Variants in RAP1GAP2 observed in about 807,000 individuals in gnomAD.
RAP1GAP2 encodes rap1 GTPase-activating protein 2.
A neutral mutation model predicts 95.0 loss-of-function variants in RAP1GAP2; 27 were observed. The ratio of observed to expected loss-of-function variants is 0.28; its 90% CI spans 0.21 to 0.39. The LOEUF (loss-of-function observed/expected upper bound fraction) is 0.39. Ranked by LOEUF, RAP1GAP2 falls within the 10% of genes least tolerant of loss-of-function variation. The pLI is 1.00. For missense variants in RAP1GAP2, 771 were observed against 970.0 expected (o/e 0.79, Z 2.72); for synonymous variants, 373 against 380.9 (o/e 0.98, Z 0.24).
chr17:2,815,456 A>ATATTATTATTAT (rs10675930), intron 2 of RAP1GAP2, among the ~76,000 whole-genome samples: 471 of 140,136 alleles, frequency 3.4e-3, no homozygotes, highest in Non-Finnish European at 3.7e-3. Flanking sequence ...AACATCTCTG[A>ATATTATTATTAT]TATTATTATT....
chr17:2,987,457 G>A (rs755087754), intron 11 of RAP1GAP2, among the ~76,000 whole-genome samples: 2 of 151,480 alleles, frequency 1.3e-5, no homozygotes, highest in African/African-American at 4.9e-5. Context: ...TCCGCCTCCC[G>A]GGTTCAAGCA....
intron 8 of RAP1GAP2, among the ~76,000 whole-genome samples, chr17:2,970,855 C>T (rs1382033786): frequency 6.6e-6 from 1 of 151,390 alleles, no homozygotes; most frequent in Non-Finnish European, 1.5e-5. Flanking sequence ...GCCTGGGCAA[C>T]ACAGGGTGAC....
chr17:3,020,581 C>T lies in RAP1GAP2; in HGVS notation c.1737C>T (p.Asp579=), dbSNP rs772392945. ...RLHTGSEGQG[D]SRARCDSTSS... Reference sequence around the variant, plus strand: ...ACACGGGCTCAGAAGGCCAGGGCGACAGCCGGGCACGATGGTAACTGTTGG... The same window carrying T: ...ACACGGGCTCAGAAGGCCAGGGCGATAGCCGGGCACGATGGTAACTGTTGG... Residue 579 remains aspartate (D), a synonymous_variant, in exon 19 of 25, where the codon GAC becomes GAT. Coordinates refer to ENST00000254695, the MANE Select transcript of RAP1GAP2 (RefSeq NM_015085.5). The T allele has an allele frequency of 1.2e-6, 2 of 1,613,514 alleles. No individual in the cohort carries two copies. The highest frequency in any genetic ancestry group is 1.7e-6 in the Non-Finnish European group (2 of 1,179,774).
chr17:3,021,464 A>T (rs2046958193), intron 19 of RAP1GAP2, among the ~76,000 whole-genome samples: 1 of 122,196 alleles, frequency 8.2e-6, no homozygotes, highest in East Asian at 2.6e-4. Context: ...TTTGAGACAG[A>T]GTCTCTGTTG....
chr17:3,010,206 G>T (rs528458355), intron 17 of RAP1GAP2, among the ~76,000 whole-genome samples: 2 of 152,050 alleles, frequency 1.3e-5, no homozygotes, highest in East Asian at 3.9e-4. Flanking sequence ...CGGGCGTGGT[G>T]ACGTGAGCCT....
intron 2 of RAP1GAP2, among the ~76,000 whole-genome samples, chr17:2,878,917 C>T (rs1162523747): frequency 6.6e-6 from 1 of 152,186 alleles, no homozygotes; most frequent in East Asian, 1.9e-4. Flanking sequence ...AATAATAGTG[C>T]CCTCTTCCCG....
chr17:3,004,653 TGC>T lies in RAP1GAP2; in HGVS notation c.1201-711_1201-710del, dbSNP rs1176131218. ...TCAGTCTCACTCAGGGTGCCAGAGG[TGC>T]GCGCCCCACCCTCAGTTCCTAGCCT... On this transcript the variant is annotated intron_variant, in intron 14 of 24. Coordinates refer to ENST00000254695, the MANE Select transcript of RAP1GAP2 (RefSeq NM_015085.5). The surrounding 1 kb of genome is among the most constrained non-coding windows in gnomAD (Gnocchi z 4.1). Among the ~76,000 whole-genome samples the T allele has an allele frequency of 2.0e-5, 3 of 152,130 alleles. No homozygotes were observed. The highest frequency in any genetic ancestry group is 7.2e-5 in the African/African-American group (3 of 41,434).
intron 2 of RAP1GAP2, among the ~76,000 whole-genome samples, chr17:2,847,444 C>T (rs965031532): frequency 6.6e-6 from 1 of 152,176 alleles, no homozygotes; most frequent in Non-Finnish European, 1.5e-5. Context: ...GCCTGGAAAT[C>T]TCACATAGTT....
intron 2 of RAP1GAP2, among the ~76,000 whole-genome samples, chr17:2,803,947 G>A (rs2069406364): frequency 6.6e-6 from 1 of 152,164 alleles, no homozygotes. Flanking sequence ...AGACAGTGTG[G>A]TACGGACATA....
At chr17:2,983,982 G>A (rs528389917) in intron 10 of RAP1GAP2, among the ~76,000 whole-genome samples, 46 of 152,280 alleles carry the variant, frequency 3.0e-4, no homozygotes, top group Middle Eastern at 3.4e-3. Context: ...ACACATCTGC[G>A]TTTAACAGAT....
chr17:2,861,944 C>T (rs551772300), intron 2 of RAP1GAP2, among the ~76,000 whole-genome samples: 1 of 152,328 alleles, frequency 6.6e-6, no homozygotes, highest in South Asian at 2.1e-4. Flanking sequence ...ACGTGAGCCT[C>T]CATGCCTGGC....
At position 3,008,580 on chromosome 17, in the gene RAP1GAP2, G is replaced by GC. The variant is rs1160088667; in HGVS notation, c.1494+437dup. On this transcript the variant is annotated intron_variant, in intron 17 of 24. Coordinates refer to ENST00000254695, the MANE Select transcript of RAP1GAP2 (RefSeq NM_015085.5). This position sits in a 1 kb window ranked among gnomAD's most constrained non-coding sequence, Gnocchi z 4.2. The stretch of plus-strand genomic sequence containing the variant: ...GTGGGTGCCACAGTGATTCTTCCTA[G>GC]CCAGCCGGCCGAGCATTGGAAGACC... 1.3e-5 allele frequency among the ~76,000 whole-genome samples: 2 copies of GC among 152,178 alleles called. No individual in the cohort carries two copies. Among genetic ancestry groups the GC allele is most frequent in the Non-Finnish European group, 2.9e-5 (2 of 68,016 alleles).
intron 3 of RAP1GAP2, among the ~76,000 whole-genome samples, chr17:2,923,877 G>A (rs1009780672): frequency 1.3e-5 from 2 of 152,126 alleles, no homozygotes; most frequent in African/African-American, 2.4e-5. Context: ...ATAGATAGAG[G>A]CAAACATAAA....
At position 2,963,933 on chromosome 17, in the gene RAP1GAP2, C is replaced by T. The variant is rs369295361; in HGVS notation, c.357C>T (p.Asn119=). The T allele has an allele frequency of 9.2e-5, 149 of 1,613,158 alleles. No homozygotes were observed. Among genetic ancestry groups the T allele is most frequent in the Non-Finnish European group, 1.1e-4 (124 of 1,179,762 alleles). The change falls in exon 7 of 25, where the codon AAC becomes AAT. Residue 119 remains asparagine, a synonymous_variant. Transcript: ENST00000254695. The surrounding 1 kb of genome is among the most constrained non-coding windows in gnomAD (Gnocchi z 4.8). The stretch of plus-strand genomic sequence containing the variant: ...GCTATTGGATCGAGGACCCGGAGAA[C>T]GTGGGCACCCCAACATCGCTGGGGA... The part of the protein sequence containing the change: ...FGGYWIEDPE[N]VGTPTSLGSS...
intron 2 of RAP1GAP2, among the ~76,000 whole-genome samples, chr17:2,880,017 C>T (rs2073229995): frequency 6.6e-6 from 1 of 152,056 alleles, no homozygotes; most frequent in African/African-American, 2.4e-5. Context: ...CTGGAGCTCA[C>T]CGTCCAGCGG....
At chr17:2,967,232 G>A (rs534956422) in intron 8 of RAP1GAP2, among the ~76,000 whole-genome samples, 14 of 152,192 alleles carry the variant, frequency 9.2e-5, no homozygotes, top group Middle Eastern at 3.4e-3. Flanking sequence ...TTAGCTGGGC[G>A]TGGTGGCGGG....
At chr17:2,889,000 C>T (rs1191255862) in intron 2 of RAP1GAP2, among the ~76,000 whole-genome samples, 1 of 152,032 alleles carries the variant, frequency 6.6e-6, no homozygotes, top group Non-Finnish European at 1.5e-5. Context: ...TGTTTATAGA[C>T]TCAGGTTCAT....
chr17:2,780,409 G>C (rs564836016), intron 1 of RAP1GAP2, among the ~76,000 whole-genome samples: 2 of 152,332 alleles, frequency 1.3e-5, no homozygotes, highest in East Asian at 3.9e-4. Context: ...CCACCGCCCC[G>C]TTTGACAGGG....
chr17:2,825,771 C>A lies in RAP1GAP2; in HGVS notation c.80+25221C>A, dbSNP rs1180122152. 2.0e-5 allele frequency among the ~76,000 whole-genome samples: 3 copies of A among 152,080 alleles called. No homozygotes were observed. Among genetic ancestry groups the A allele is most frequent in the African/African-American group, 4.8e-5 (2 of 41,432 alleles). ...CAGAGCGTTTAGGTGTGAAGAGGGTCTGGTGCCCGCATCCAAGGAACTCAC... is the reference window on the plus strand; with the variant it reads ...CAGAGCGTTTAGGTGTGAAGAGGGTATGGTGCCCGCATCCAAGGAACTCAC... On this transcript the variant is annotated intron_variant, in intron 2 of 24. Coordinates refer to ENST00000254695, the MANE Select transcript of RAP1GAP2 (RefSeq NM_015085.5). This position sits in a 1 kb window ranked among gnomAD's most constrained non-coding sequence, Gnocchi z 4.1.
Sources: gnomAD v4.1 joint callset for allele counts (sites outside exome capture counted in the v4.1 genomes callset) on GRCh38, gnomAD v4.1.1 for gene constraint, Gnocchi (gnomAD v3.1) non-coding constraint, MANE v1.5 for transcripts, NCBI Gene and HGNC (gene_info 2026-07-23, HGNC 2026-07-21) for gene names.